Variants in STK3 observed in about 807,000 individuals in gnomAD.
STK3 encodes the protein serine/threonine kinase 3.
Under a neutral mutation model 58.0 loss-of-function variants are expected in STK3, and 41 were observed. That is an observed-to-expected ratio of 0.71 (90% confidence interval 0.55 to 0.92). The LOEUF (loss-of-function observed/expected upper bound fraction) is 0.92, where lower values mean the gene tolerates loss of function less well. STK3 is among the 40% of genes least tolerant of loss of function. The pLI is 0.00. For missense variants in STK3, 479 were observed against 602.7 expected, an observed-to-expected ratio of 0.79 and a Z score of 2.15; for synonymous variants, 170 against 191.0, an observed-to-expected ratio of 0.89 and a Z score of 0.91.
Position 98,893,405 on chromosome 8 carries a change from A to AGAAG in STK3, c.-78-9575_-78-9572dup, listed in dbSNP as rs60738697. On this transcript the variant is annotated intron_variant, in intron 1 of 1. Transcript: ENST00000519420. ...CTTGCGAAGAAAGAGAAAGAAAGAA[A>AGAAG]GAAGGAAGGAAGGAAGGAAAGAAAG... is the stretch of plus-strand genomic sequence containing the variant. Among the ~76,000 whole-genome samples, 675 of 98,382 alleles carry AGAAG rather than the reference A, an allele frequency of 6.9e-3. 20 individuals are homozygous for AGAAG. Among genetic ancestry groups the AGAAG allele is most frequent in the Middle Eastern group, 0.014 (3 of 218 alleles). 64.5% of individuals were successfully genotyped at this position (98,382 alleles called of 152,430 possible). A position where few individuals can be genotyped will look rare whatever the true frequency, so the allele number is the denominator to read the frequency against.
intron 1 of STK3, among the ~76,000 whole-genome samples, chr8:98,803,649 A>C (rs1449443400): frequency 6.6e-6 from 1 of 151,794 alleles, no homozygotes. Flanking sequence ...ATAACCTGTT[A>C]ATCAGTCTTA....
intron 10 of STK3, among the ~76,000 whole-genome samples, chr8:98,467,848 G>C (rs768143856): frequency 1.5e-4 from 23 of 152,108 alleles, no homozygotes; most frequent in Non-Finnish European, 2.4e-4. Context: ...AAGTGTGCTG[G>C]AAGAGCATCA....
intron 6 of STK3, among the ~76,000 whole-genome samples, chr8:98,687,423 G>T (rs1203221270): frequency 6.6e-6 from 1 of 152,188 alleles, no homozygotes; most frequent in Non-Finnish European, 1.5e-5. Context: ...GTGCTGATCT[G>T]ACAGGAGGCG....
chr8:98,711,273 A>C (rs1472297025), intron 4 of STK3, among the ~76,000 whole-genome samples: 3 of 152,216 alleles, frequency 2.0e-5, no homozygotes, highest in African/African-American at 7.2e-5. Flanking sequence ...CAATGGAACA[A>C]AGCTAGACAG....
intron 3 of STK3, among the ~76,000 whole-genome samples, chr8:98,837,297 A>G (rs1186234474): frequency 4.0e-5 from 6 of 151,712 alleles, no homozygotes; most frequent in Non-Finnish European, 8.8e-5. Flanking sequence ...TATGTAATAA[A>G]CTATCAGTAA....
chr8:98,495,166 T>C (rs1233379725), intron 10 of STK3, among the ~76,000 whole-genome samples: 3 of 152,140 alleles, frequency 2.0e-5, no homozygotes, highest in Non-Finnish European at 4.4e-5. Context: ...TGAAAACAAA[T>C]GAGAGTCAGG....
chr8:98,571,352 T>A (rs573360625), intron 8 of STK3, among the ~76,000 whole-genome samples: 81 of 151,954 alleles, frequency 5.3e-4, no homozygotes, highest in Middle Eastern at 3.4e-3. Context: ...GAAGGTAGAC[T>A]TTTGAAGGTC....
At chr8:98,429,409 G>A (rs541495971) in intron 3 of STK3, 31 of 1,601,648 alleles carry the variant, frequency 1.9e-5, no homozygotes, top group Non-Finnish European at 2.4e-5. Context: ...GATTCCCTAC[G>A]TTAGCCGGGA....
intron 6 of STK3, among the ~76,000 whole-genome samples, chr8:98,618,328 C>T (rs1316117903): frequency 6.7e-6 from 1 of 148,362 alleles, no homozygotes; most frequent in Non-Finnish European, 1.5e-5. Flanking sequence ...ATAATAAGAG[C>T]TATCTATGAC....
At chr8:98,804,062 T>C (rs1199021975) in intron 1 of STK3, among the ~76,000 whole-genome samples, 1 of 152,008 alleles carries the variant, frequency 6.6e-6, no homozygotes, top group East Asian at 1.9e-4. Flanking sequence ...AGTGCAGTGG[T>C]GCAATCTTGG....
At chr8:98,633,408 T>A (rs996024895) in intron 6 of STK3, 3 of 470,120 alleles carry the variant, frequency 6.4e-6, no homozygotes, top group African/African-American at 5.9e-5. Context: ...TCTAGCAGCA[T>A]CATGAAGTTT....
chr8:98,438,713 TG>T (rs1818583308), intron 1 of STK3: 1 of 152 alleles, frequency 6.6e-3, no homozygotes, highest in African/African-American at 0.029. Flanking sequence ...TGTGAGTCTC[TG>T]TGTGTGTGTG....
intron 3 of STK3, among the ~76,000 whole-genome samples, chr8:98,855,165 C>A (rs1242724690): frequency 6.6e-6 from 1 of 152,210 alleles, no homozygotes; most frequent in Non-Finnish European, 1.5e-5. Flanking sequence ...AACAAATCTA[C>A]AAGCTGATTC....
At chr8:98,513,086 T>C (rs1824646329) in intron 10 of STK3, among the ~76,000 whole-genome samples, 1 of 152,164 alleles carries the variant, frequency 6.6e-6, no homozygotes, top group Non-Finnish European at 1.5e-5. Flanking sequence ...ATGTCAGTAA[T>C]GTTTATTTTT....
rs147003049 is a variant in STK3 at position 98,922,455 on chromosome 8, T to G, written c.-79+19923A>C. Among the ~76,000 whole-genome samples the G allele has an allele frequency of 8.0e-3, 1,216 of 152,362 alleles. 8 individuals carry two copies. Among genetic ancestry groups the G allele is most frequent in the African/African-American group, 0.021 (857 of 41,586 alleles). ...TAGTCTCATTTTATTTTCTATTACC[T>G]GCATTTGAATATTTCATAACTGGGA... is the stretch of plus-strand genomic sequence containing the variant. On this transcript the variant is annotated intron_variant, in intron 1 of 1. Transcript: ENST00000519420.
intron 3 of STK3, among the ~76,000 whole-genome samples, chr8:98,865,458 C>G (rs1027474750): frequency 2.6e-5 from 4 of 152,074 alleles, no homozygotes; most frequent in Admixed American, 6.5e-5. Flanking sequence ...CCTCAACCTC[C>G]TGGGCTTAAG....
At chr8:98,717,004 T>C (rs1478196432) in intron 4 of STK3, among the ~76,000 whole-genome samples, 1 of 152,008 alleles carries the variant, frequency 6.6e-6, no homozygotes, top group African/African-American at 2.4e-5. Flanking sequence ...CCTAGCACCA[T>C]ATACAAAAAT....
At chr8:98,871,843 T>C (rs1837391568) in intron 3 of STK3, among the ~76,000 whole-genome samples, 2 of 152,302 alleles carry the variant, frequency 1.3e-5, no homozygotes, top group Admixed American at 1.3e-4. Flanking sequence ...TTTCTTTCTC[T>C]TGCCTGATTG....
chr8:98,901,455 G>A (rs1838652680), intron 1 of STK3, among the ~76,000 whole-genome samples: 1 of 152,266 alleles, frequency 6.6e-6, no homozygotes, highest in African/African-American at 2.4e-5. Flanking sequence ...GAGAGGGAGA[G>A]GTGAAAGGGG....
Sources: allele counts gnomAD v4.1 joint callset (sites outside exome capture counted in the v4.1 genomes callset), GRCh38; gene constraint gnomAD v4.1.1; transcripts MANE v1.5; gene names NCBI Gene and HGNC (gene_info 2026-07-23, HGNC 2026-07-21).